Variants in HHLA1 observed in about 807,000 individuals in gnomAD.
HHLA1 encodes the protein HHLA1 neighbor of OC90, also known as HERV-H LTR-associating protein 1.
A neutral mutation model predicts 69.9 loss-of-function variants in HHLA1; 72 were observed. That is an observed-to-expected ratio of 1.03 (90% confidence interval 0.85 to 1.25). The LOEUF is 1.25. Among genes scored for constraint, HHLA1 ranks in the 50% most tolerant of loss-of-function variants. HHLA1 has a pLI of 0.00. For missense variants in HHLA1, 685 were observed against 642.2 expected (o/e 1.07, Z -0.72); for synonymous variants, 252 against 233.2 (o/e 1.08, Z -0.73).
intron 3 of HHLA1, among the ~76,000 whole-genome samples, chr8:132,102,936 A>G (rs1340847717): frequency 6.6e-6 from 1 of 152,180 alleles, no homozygotes; most frequent in Non-Finnish European, 1.5e-5. Flanking sequence ...AACAGGATGT[A>G]ATACAGAGCA....
intron 15 of HHLA1, chr8:132,070,200 T>C: frequency 1.6e-6 from 1 of 636,704 alleles, no homozygotes; most frequent in East Asian, 2.7e-5. Context: ...TATTCATCTA[T>C]GTAATTTAGT....
intron 5 of HHLA1, among the ~76,000 whole-genome samples, chr8:132,097,627 G>A (rs1824045779): frequency 1.3e-5 from 2 of 152,198 alleles, no homozygotes; most frequent in Admixed American, 1.3e-4. Context: ...GGCTGGAAGG[G>A]CTAAATGTTT....
intron 14 of HHLA1, among the ~76,000 whole-genome samples, chr8:132,074,756 A>G (rs192407613): frequency 6.6e-6 from 1 of 152,358 alleles, no homozygotes; most frequent in East Asian, 1.9e-4. Context: ...ATAACCAGAT[A>G]GAAAGATAAA....
chr8:132,097,183 C>G (rs1470622892), intron 5 of HHLA1, among the ~76,000 whole-genome samples: 1 of 152,064 alleles, frequency 6.6e-6, no homozygotes, highest in Non-Finnish European at 1.5e-5. Context: ...GGGGTATACA[C>G]CAAAATGTGA....
chr8:132,087,571 G>T, intron 10 of HHLA1, 82 bp downstream of exon 10: 1 of 809,112 alleles, frequency 1.2e-6, no homozygotes. Flanking sequence ...CAACACCTGA[G>T]GGCAGCTTTC....
At chr8:132,089,692 A>G (rs1460472417) in intron 7 of HHLA1, 93 bp from the exon 8 acceptor site, 6 of 710,134 alleles carry the variant, frequency 8.4e-6, no homozygotes, top group Non-Finnish European at 1.0e-5. Context: ...AAATTTTACA[A>G]GTTTGATTTA....
chr8:132,085,132 G>C (rs1271581349), intron 10 of HHLA1, among the ~76,000 whole-genome samples: 1 of 152,206 alleles, frequency 6.6e-6, no homozygotes, highest in African/African-American at 2.4e-5. Context: ...AGGCATCCCT[G>C]CGTGGTCTGA....
intron 15 of HHLA1, chr8:132,069,907 T>C (rs982597455): frequency 7.7e-5 from 12 of 155,846 alleles, no homozygotes; most frequent in Non-Finnish European, 1.6e-4. Flanking sequence ...ACCTAGACAA[T>C]ACAGAAAGTA....
At chr8:132,096,899 T>C (rs1004956715) in intron 5 of HHLA1, among the ~76,000 whole-genome samples, 19 of 152,162 alleles carry the variant, frequency 1.2e-4, no homozygotes, top group Admixed American at 2.6e-4. Context: ...GGCCTCCACC[T>C]CTCAGGCTCC....
intron 12 of HHLA1, among the ~76,000 whole-genome samples, chr8:132,077,512 C>T (rs1178929593): frequency 4.6e-5 from 7 of 151,906 alleles, no homozygotes; most frequent in African/African-American, 1.7e-4. Flanking sequence ...GAGAGAGGAA[C>T]TGGGGAATGA....
intron 7 of HHLA1, among the ~76,000 whole-genome samples, chr8:132,091,404 C>T (rs922038644): frequency 4.6e-5 from 7 of 152,284 alleles, no homozygotes; most frequent in South Asian, 4.1e-4. Context: ...TTCCAGAGTA[C>T]GTGGCAGAGC....
intron 7 of HHLA1, among the ~76,000 whole-genome samples, chr8:132,094,697 C>A (rs943322406): frequency 1.3e-5 from 2 of 152,146 alleles, no homozygotes; most frequent in African/African-American, 4.8e-5. Flanking sequence ...TTCCCATGGT[C>A]AGGCTGTCAG....
intron 3 of HHLA1, among the ~76,000 whole-genome samples, chr8:132,100,655 A>G (rs1219939135): frequency 4.6e-5 from 7 of 152,212 alleles, no homozygotes; most frequent in Non-Finnish European, 8.8e-5. Context: ...GCCAAGCTAT[A>G]TGCTAGGCAA....
At chr8:132,105,352 G>A in intron 1 of HHLA1, 66 bp from the exon 2 acceptor site, 1 of 995,894 alleles carries the variant, frequency 1.0e-6, no homozygotes, top group Non-Finnish European at 1.6e-6. Context: ...TTTGAGAACA[G>A]TGCGTGAGGA....
rs1032428923 is a variant in HHLA1 at position 132,095,736 on chromosome 8, C to A, written c.331G>T (p.Ala111Ser). Residue 111 changes from alanine to serine, a missense_variant, in exon 6 of 17, where the codon GCC (alanine) becomes TCC (serine). By Grantham distance (99) the Ala-to-Ser change is moderately conservative. Transcript: ENST00000414222. ...ACAGCTACAGAAAACTTGTGGAAGGCGAAGGAACTGTAGGAAGTGACACTC... is the reference window on the plus strand; with the variant it reads ...ACAGCTACAGAAAACTTGTGGAAGGAGAAGGAACTGTAGGAAGTGACACTC... ...LLSVTSYSSF[A>S]FHKFSVAVYN... 5.2e-6 allele frequency: 8 copies of A among 1,550,920 alleles called. No homozygotes were observed. The highest frequency in any genetic ancestry group is 1.7e-4 in the Middle Eastern group (1 of 6,012).
chr8:132,089,150 A>G (rs1563746098), intron 8 of HHLA1, among the ~76,000 whole-genome samples: 1 of 152,096 alleles, frequency 6.6e-6, no homozygotes, highest in Non-Finnish European at 1.5e-5. Context: ...ATAGATTTAA[A>G]CCTGAATTCT....
intron 3 of HHLA1, among the ~76,000 whole-genome samples, chr8:132,103,417 T>A (rs4736548): frequency 0.6 from 90,587 of 151,536 alleles, 27,128 homozygotes; most frequent in Admixed American, 0.64. Flanking sequence ...CAGGAGTTCA[T>A]GACCTGCCTG....
chr8:132,104,190 A>G, intron 2 of HHLA1, 23 bp from the exon 3 acceptor site: 1 of 1,517,932 alleles, frequency 6.6e-7, no homozygotes, highest in Non-Finnish European at 8.9e-7. Context: ...AGGTTTAATC[A>G]CAGAAATTAT....
rs1247871093 is a variant in HHLA1, at chr8:132,101,067, AT to A, written c.140-934del. 36 of 1,215,462 alleles carry A rather than the reference AT, an allele frequency of 3.0e-5. No individual in the cohort carries two copies. In the African/African-American group the frequency reaches 4.4e-4, roughly 15 times the overall value. 75.3% of individuals were successfully genotyped at this position (1,215,462 alleles called of 1,614,324 possible). On this transcript the variant is annotated intron_variant, in intron 3 of 16. Transcript: ENST00000414222. ...AGAAGCTGGTACAAAAAAAGCTAGT[AT>A]CACATGTAACATGAAAAATGACCAT...
Sources: allele counts gnomAD v4.1 joint callset (sites outside exome capture counted in the v4.1 genomes callset), GRCh38; gene constraint gnomAD v4.1.1; transcripts MANE v1.5; gene names NCBI Gene and HGNC (gene_info 2026-07-23, HGNC 2026-07-21).